Variants in ARMC9 observed in about 807,000 individuals in gnomAD.
ARMC9 encodes the protein lisH domain-containing protein ARMC9.
ARMC9 carries 94 observed loss-of-function variants against 107.0 expected under a neutral mutation model. The observed-to-expected ratio is 0.88, with a 90% confidence interval of 0.74 to 1.04. ARMC9 has a LOEUF of 1.04. Among genes scored for constraint, ARMC9 ranks in the 50% least tolerant of loss-of-function variants. The pLI, the probability that ARMC9 is intolerant of heterozygous loss-of-function variation, is 0.00. For synonymous variants in ARMC9, 380 were observed against 396.9 expected, an observed-to-expected ratio of 0.96 and a Z score of 0.51; for missense variants, 942 against 1,030.1, an observed-to-expected ratio of 0.91 and a Z score of 1.17.
At chr2:231,261,307 T>C (rs570800145) in intron 11 of ARMC9, among the ~76,000 whole-genome samples, 1 of 152,362 alleles carries the variant, frequency 6.6e-6, no homozygotes, top group South Asian at 2.1e-4. Flanking sequence ...ACGAAAATTT[T>C]CTTCTAGCCC....
chr2:231,217,839 C>T (rs560260874), intron 5 of ARMC9, among the ~76,000 whole-genome samples: 206 of 152,232 alleles, frequency 1.4e-3, no homozygotes, highest in African/African-American at 4.4e-3. Context: ...GCTACAGGTG[C>T]GCACCAGCAC....
chr2:231,233,114 G>A (rs1247379812), intron 7 of ARMC9, among the ~76,000 whole-genome samples: 1 of 152,230 alleles, frequency 6.6e-6, no homozygotes, highest in Non-Finnish European at 1.5e-5. Flanking sequence ...GCCTCCCAAA[G>A]TGCTGGGATT....
chr2:231,276,360 T>G (rs1257688202), intron 14 of ARMC9, among the ~76,000 whole-genome samples: 1 of 150,602 alleles, frequency 6.6e-6, no homozygotes, highest in Non-Finnish European at 1.5e-5. Context: ...AACCTCTGCC[T>G]CCCGGGTTCA....
intron 22 of ARMC9, among the ~76,000 whole-genome samples, chr2:231,359,088 T>TC (rs1044595427): frequency 2.1e-5 from 3 of 146,232 alleles, no homozygotes; most frequent in African/African-American, 7.9e-5. Context: ...TCCTGTTTTT[T>TC]TTTTTTTTTT....
chr2:231,337,463 A>AT (rs1378579607), intron 20 of ARMC9, among the ~76,000 whole-genome samples: 129 of 102,748 alleles, frequency 1.3e-3, no homozygotes, highest in Non-Finnish European at 2.1e-3. Flanking sequence ...CGCCCGGCTA[A>AT]TTTTTGTTTT....
chr2:231,364,213 G>A (rs2045714900), intron 23 of ARMC9, among the ~76,000 whole-genome samples: 1 of 152,206 alleles, frequency 6.6e-6, no homozygotes, highest in Non-Finnish European at 1.5e-5. Context: ...TGCCACTCCA[G>A]AAGAGCAGCC....
Position 231,216,786 on chromosome 2 carries a change from T to G in ARMC9, c.497T>G (p.Leu166Arg). ...ATGGTGCACCCCTCATTTAAAGAAC[T>G]CTTCCAGGTAAATGTCAGCTTTTAA... ...NPMVHPSFKE[L>R]FQDSWTPELK... The change falls in exon 5 of 25, where the codon CTC (leucine) becomes CGC (arginine). Residue 166 changes from leucine to arginine, a missense_variant. By Grantham distance (102) the Leu-to-Arg change is moderately radical. Transcript: ENST00000611582. The G allele has an allele frequency of 6.2e-7, 1 of 1,611,662 alleles. No homozygotes were observed. The highest frequency in any genetic ancestry group is 8.5e-7 in the Non-Finnish European group (1 of 1,179,374).
At position 231,360,121 on chromosome 2, in the gene ARMC9, T is replaced by C. The variant is rs549845358; in HGVS notation, c.2132-633T>C. Among the ~76,000 whole-genome samples the C allele has an allele frequency of 1.3e-5, 2 of 152,076 alleles. No homozygotes were observed. Among genetic ancestry groups the C allele is most frequent in the Admixed American group, 6.5e-5 (1 of 15,292 alleles). Reference sequence around the variant, plus strand: ...TGCAGGAACATCTGTTCCCAGGCCCTTGGGGAGCCCTCCGTATGCTATGAT... The same window carrying C: ...TGCAGGAACATCTGTTCCCAGGCCCCTGGGGAGCCCTCCGTATGCTATGAT... On this transcript the variant is annotated intron_variant, in intron 22 of 24. Coordinates refer to ENST00000611582, the MANE Select transcript of ARMC9 (RefSeq NM_001352754.2). This position sits in a 1 kb window ranked among gnomAD's most constrained non-coding sequence, Gnocchi z 4.7.
At chr2:231,298,107 CTT>C (rs1225858168) in intron 19 of ARMC9, among the ~76,000 whole-genome samples, 2 of 152,190 alleles carry the variant, frequency 1.3e-5, no homozygotes, top group Non-Finnish European at 2.9e-5. Flanking sequence ...TTTTGCTACT[CTT>C]TTAAGAGGTT....
At chr2:231,238,833 T>C (rs572172839) in intron 8 of ARMC9, among the ~76,000 whole-genome samples, 1 of 152,230 alleles carries the variant, frequency 6.6e-6, no homozygotes, top group East Asian at 1.9e-4. Context: ...GACAGAGCCT[T>C]TTATGTGGCT....
At chr2:231,309,186 C>G (rs1044827876) in intron 19 of ARMC9, among the ~76,000 whole-genome samples, 2 of 152,212 alleles carry the variant, frequency 1.3e-5, no homozygotes, top group Non-Finnish European at 2.9e-5. Context: ...ACTCATGGCT[C>G]CTGCCCTCAT....
intron 1 of ARMC9, chr2:231,199,069 A>C (rs939898402): frequency 2.0e-5 from 3 of 152,222 alleles, no homozygotes; most frequent in Non-Finnish European, 4.4e-5. Flanking sequence ...TCCATCTGCT[A>C]GCCGCGTTCC....
intron 4 of ARMC9, chr2:231,215,275 A>G: frequency 2.9e-6 from 1 of 345,762 alleles, no homozygotes; most frequent in Non-Finnish European, 5.3e-6. Context: ...TTTATTTGGC[A>G]ACTTAGTATG....
intron 1 of ARMC9, among the ~76,000 whole-genome samples, chr2:231,204,178 A>G (rs76675819): frequency 5.1e-5 from 2 of 38,912 alleles, no homozygotes; most frequent in African/African-American, 1.6e-3. Context: ...TGTCTCAGGA[A>G]AAAAAAAAAA....
At chr2:231,277,256 C>T (rs1279668358) in intron 15 of ARMC9, among the ~76,000 whole-genome samples, 1 of 152,160 alleles carries the variant, frequency 6.6e-6, no homozygotes, top group Non-Finnish European at 1.5e-5. Context: ...CATTTATATA[C>T]TTGATCGCTG....
At chr2:231,321,030 G>A (rs975816630) in intron 19 of ARMC9, among the ~76,000 whole-genome samples, 8 of 152,226 alleles carry the variant, frequency 5.3e-5, no homozygotes, top group African/African-American at 1.4e-4. Context: ...TACCAGCTGT[G>A]TGTGGCTTTG....
At chr2:231,208,320 C>A in intron 3 of ARMC9, 68 bp downstream of exon 3, 1 of 1,278,116 alleles carries the variant, frequency 7.8e-7, no homozygotes, top group Non-Finnish European at 1.1e-6. Context: ...GAAAATGCTG[C>A]TGTTGGATAG....
intron 9 of ARMC9, among the ~76,000 whole-genome samples, chr2:231,249,845 C>T (rs1574794300): frequency 7.6e-6 from 1 of 131,022 alleles, no homozygotes; most frequent in Non-Finnish European, 1.7e-5. Flanking sequence ...ACCGCCCACC[C>T]GTGCACACCT....
intron 19 of ARMC9, among the ~76,000 whole-genome samples, chr2:231,311,129 AAAAAAT>A (rs757208124): frequency 1.5e-4 from 23 of 152,202 alleles, no homozygotes; most frequent in Admixed American, 2.6e-4. Context: ...CTGTGTCTCA[AAAAAAT>A]AAAAATAAAA....
Sources: gnomAD v4.1 joint callset for allele counts (sites outside exome capture counted in the v4.1 genomes callset) on GRCh38, gnomAD v4.1.1 for gene constraint, Gnocchi (gnomAD v3.1) non-coding constraint, MANE v1.5 for transcripts, NCBI Gene and HGNC (gene_info 2026-07-23, HGNC 2026-07-21) for gene names.